MGAT4C: variants seen among roughly 807,000 people sequenced by gnomAD.
The protein encoded by MGAT4C is alpha-1,3-mannosyl-glycoprotein 4-beta-N-acetylglucosaminyltransferase C.
Under a neutral mutation model 40.1 loss-of-function variants are expected in MGAT4C, and 19 were observed. The ratio of observed to expected loss-of-function variants is 0.47; its 90% confidence interval spans 0.33 to 0.70. The LOEUF (loss-of-function observed/expected upper bound fraction) is 0.70. Ranked by LOEUF, MGAT4C falls within the 30% of genes least tolerant of loss-of-function variation. The probability of loss-of-function intolerance (pLI) is 0.02; values close to 1 mark genes in which losing one functional copy is unlikely to be tolerated. For synonymous variants in MGAT4C, 181 were observed against 187.1 expected (o/e 0.97, Z 0.27); for missense variants, 491 against 563.2 (o/e 0.87, Z 1.30).
intron 2 of MGAT4C, among the ~76,000 whole-genome samples, chr12:86,630,547 A>G (rs1011387863): frequency 6.6e-6 from 1 of 152,222 alleles, no homozygotes; most frequent in African/African-American, 2.4e-5. Context: ...CAAAAAGCTT[A>G]TCCACCAAGA....
chr12:86,053,554 A>G (rs951908811), intron 1 of MGAT4C, among the ~76,000 whole-genome samples: 2 of 151,976 alleles, frequency 1.3e-5, no homozygotes, highest in Non-Finnish European at 2.9e-5. Context: ...CCCCAAAAGC[A>G]TAGAAACCAA....
chr12:86,650,648 A>G (rs1038294930), intron 2 of MGAT4C, among the ~76,000 whole-genome samples: 1 of 151,876 alleles, frequency 6.6e-6, no homozygotes, highest in Non-Finnish European at 1.5e-5. Flanking sequence ...GTATTACTAT[A>G]TATTATCTGT....
At chr12:86,576,858 G>C (rs1202579313) in intron 2 of MGAT4C, among the ~76,000 whole-genome samples, 1 of 151,634 alleles carries the variant, frequency 6.6e-6, no homozygotes, top group Non-Finnish European at 1.5e-5. Flanking sequence ...TTTCTATAAA[G>C]AATATCATTG....
rs1883637533 is a variant in MGAT4C at position 85,971,875 on chromosome 12, T to C, written c.*7414A>G. The C allele has an allele frequency of 6.6e-6, 1 of 151,190 alleles. No individual in the cohort carries two copies. Among genetic ancestry groups the C allele is most frequent in the Non-Finnish European group, 1.5e-5 (1 of 67,304 alleles). 9.4% of individuals were successfully genotyped at this position (151,190 alleles called of 1,614,324 possible). On this transcript the variant is annotated 3_prime_UTR_variant, in exon 5 of 5. Coordinates refer to ENST00000611864, the MANE Select transcript of MGAT4C (RefSeq NM_001351288.2). ...CAGAAAGGCCTCCTTACCACAATAA[T>C]TGAAAGGAGTACTTTGTCAATAGTC...
chr12:86,266,110 G>C (rs1348674731), intron 4 of MGAT4C, among the ~76,000 whole-genome samples: 1 of 151,832 alleles, frequency 6.6e-6, no homozygotes, highest in Non-Finnish European at 1.5e-5. Context: ...TGCTCTTTTC[G>C]AGTTTGTATA....
At chr12:86,403,752 T>C (rs894836344) in intron 3 of MGAT4C, among the ~76,000 whole-genome samples, 1 of 152,204 alleles carries the variant, frequency 6.6e-6, no homozygotes, top group Admixed American at 6.5e-5. Context: ...ACTGTTTTCC[T>C]GAAATACTTT....
intron 4 of MGAT4C, among the ~76,000 whole-genome samples, chr12:86,270,456 A>C (rs1243470724): frequency 6.6e-6 from 1 of 151,886 alleles, no homozygotes; most frequent in Non-Finnish European, 1.5e-5. Flanking sequence ...CCACAATTCT[A>C]TTTTCTGTCT....
chr12:86,150,942 A>T (rs1256682996), intron 1 of MGAT4C, among the ~76,000 whole-genome samples: 1 of 152,180 alleles, frequency 6.6e-6, no homozygotes, highest in Non-Finnish European at 1.5e-5. Context: ...AAGCTTTGGC[A>T]TCCAGGGTTT....
intron 2 of MGAT4C, among the ~76,000 whole-genome samples, chr12:86,480,967 A>C (rs1024355987): frequency 6.6e-6 from 1 of 151,894 alleles, no homozygotes; most frequent in Non-Finnish European, 1.5e-5. Context: ...AAAACTACCC[A>C]TATATTATTG....
At position 86,766,176 on chromosome 12, in the gene MGAT4C, A is replaced by T. The variant is rs1429969294; in HGVS notation, c.-261-38935T>A. 3.1e-3 allele frequency among the ~76,000 whole-genome samples: 477 copies of T among 152,082 alleles called. 1 individual carries two copies. Among genetic ancestry groups the T allele is most frequent in the African/African-American group, 0.011 (440 of 41,456 alleles). On this transcript the variant is annotated intron_variant, in intron 1 of 7. Coordinates refer to the MGAT4C transcript ENST00000548651. Reference sequence around the variant, plus strand: ...CAAAATAAAAGGATGGAGGAAGATCAACCAAGCAAATGGAAAACAAAAAAA... The same window carrying T: ...CAAAATAAAAGGATGGAGGAAGATCTACCAAGCAAATGGAAAACAAAAAAA...
chr12:86,144,694 T>G (rs150423176), intron 1 of MGAT4C, among the ~76,000 whole-genome samples: 105 of 152,296 alleles, frequency 6.9e-4, no homozygotes, highest in African/African-American at 2.4e-3. Flanking sequence ...CGTTATAGGC[T>G]AAAGTAGCAT....
At chr12:86,034,855 T>A (rs1240799913) in intron 2 of MGAT4C, among the ~76,000 whole-genome samples, 1 of 149,946 alleles carries the variant, frequency 6.7e-6, no homozygotes, top group African/African-American at 2.4e-5. Flanking sequence ...TTGTGTTAGT[T>A]TGCTGAGAAT....
chr12:86,021,352 A>T (rs185503956), intron 2 of MGAT4C, among the ~76,000 whole-genome samples: 2,813 of 151,992 alleles, frequency 0.019, 94 homozygotes, highest in African/African-American at 0.064. Flanking sequence ...TGTCCAACAA[A>T]GATAGACTGG....
intron 1 of MGAT4C, among the ~76,000 whole-genome samples, chr12:86,065,492 T>C (rs1490580053): frequency 6.6e-6 from 1 of 152,190 alleles, no homozygotes; most frequent in East Asian, 1.9e-4. Context: ...AGGAAAGGGC[T>C]TTGACAACAT....
At chr12:86,718,980 A>G (rs2136641718) in intron 2 of MGAT4C, among the ~76,000 whole-genome samples, 1 of 152,296 alleles carries the variant, frequency 6.6e-6, no homozygotes, top group South Asian at 2.1e-4. Flanking sequence ...GTTCTTAAAG[A>G]GACAATGTCC....
In MGAT4C at chr12:86,482,555, G is replaced by A. The variant is rs112907860; in HGVS notation, c.-228-47290C>T. 3.3e-3 allele frequency among the ~76,000 whole-genome samples: 500 copies of A among 152,118 alleles called. 2 individuals are homozygous for A. Among genetic ancestry groups the A allele is most frequent in the African/African-American group, 0.012 (483 of 41,558 alleles). Reference sequence around the variant, plus strand: ...AATTTACATTTTCTACCTTCTAAATGTATATGTTGTTGAACAGAATTCCAA... The same window carrying A: ...AATTTACATTTTCTACCTTCTAAATATATATGTTGTTGAACAGAATTCCAA... On this transcript the variant is annotated intron_variant, in intron 2 of 7. Transcript: ENST00000548651.
Position 86,286,753 on chromosome 12 carries a change from T to G in MGAT4C, c.-57+47312A>C, listed in dbSNP as rs958557488. Among the ~76,000 whole-genome samples, 13 of 146,466 alleles carry G rather than the reference T, an allele frequency of 8.9e-5. No homozygotes were observed. The East Asian group carries it at 1.8e-3, about 21-fold the overall frequency. ...CATTCCCCTCCCACCCCCACCCCCT[T>G]GTAGGCCCTGGTGTCTGTGGTTTTC... On this transcript the variant is annotated intron_variant, in intron 4 of 7. Coordinates refer to the MGAT4C transcript ENST00000548651.
chr12:86,513,550 C>T (rs761311828), intron 2 of MGAT4C, among the ~76,000 whole-genome samples: 1 of 152,056 alleles, frequency 6.6e-6, no homozygotes. Flanking sequence ...TCATTTCAAT[C>T]AATGAACTGA....
At chr12:86,729,160 G>T (rs1023022025) in intron 1 of MGAT4C, among the ~76,000 whole-genome samples, 5 of 152,096 alleles carry the variant, frequency 3.3e-5, no homozygotes, top group African/African-American at 4.8e-5. Context: ...GCACCACAGG[G>T]TAAGTATAGT....
Sources: allele counts gnomAD v4.1 joint callset (sites outside exome capture counted in the v4.1 genomes callset), GRCh38; gene constraint gnomAD v4.1.1; transcripts MANE v1.5; gene names NCBI Gene and HGNC (gene_info 2026-07-23, HGNC 2026-07-21).